Variants in SHANK2 observed in about 807,000 individuals in gnomAD.
The protein encoded by SHANK2 is SH3 and multiple ankyrin repeat domains protein 2.
Under a neutral mutation model 133.7 loss-of-function variants are expected in SHANK2, and 43 were observed. The observed-to-expected ratio is 0.32, with a 90% CI of 0.25 to 0.41. The LOEUF (loss-of-function observed/expected upper bound fraction) is 0.41, where lower values mean the gene tolerates loss of function less well. SHANK2 is among the 10% of genes least tolerant of loss of function. The probability of loss-of-function intolerance (pLI) is 1.00; values close to 1 mark genes in which losing one functional copy is unlikely to be tolerated. For missense variants in SHANK2, 1,994 were observed against 2,235.8 expected (o/e 0.89, Z 2.18); for synonymous variants, 1,017 against 952.8 (o/e 1.07, Z -1.24).
intron 10 of SHANK2, among the ~76,000 whole-genome samples, chr11:70,924,469 A>G (rs1345834056): frequency 6.6e-6 from 1 of 152,018 alleles, no homozygotes; most frequent in Non-Finnish European, 1.5e-5. Context: ...AAAAATTTTT[A>G]TTTTTAAGAC....
At chr11:70,904,942 G>C (rs1359153685) in intron 10 of SHANK2, among the ~76,000 whole-genome samples, 2 of 152,180 alleles carry the variant, frequency 1.3e-5, no homozygotes, top group African/African-American at 4.8e-5. Flanking sequence ...AGAACTGTAA[G>C]TCCATTAAAC....
In SHANK2 at chr11:70,659,742, C is replaced by T. The variant is rs539859382; in HGVS notation, c.2061+86G>A. On this transcript the variant is annotated intron_variant, in intron 17 of 25. Transcript: ENST00000601538. The stretch of plus-strand genomic sequence containing the variant: ...CCACAAGCACCCCCAGACTGGGCCT[C>T]GTGGCTGTGCTGCCAGGACTACGAC... The T allele has an allele frequency of 7.8e-5, 121 of 1,555,084 alleles. No individual in the cohort carries two copies. In the African/African-American group the frequency reaches 1.1e-3, roughly 15 times the overall value.
chr11:71,069,995 C>A (rs1190112042), intron 9 of SHANK2, among the ~76,000 whole-genome samples: 10 of 151,160 alleles, frequency 6.6e-5, no homozygotes, highest in Admixed American at 6.6e-4. Context: ...CATGTGTAGA[C>A]AAGGGGGAGT....
intron 17 of SHANK2, among the ~76,000 whole-genome samples, chr11:70,641,653 AGGAGCTG>A (rs2061184704): frequency 6.6e-6 from 1 of 152,226 alleles, no homozygotes. Context: ...TTCAGGATGG[AGGAGCTG>A]GGAGCTGGGA....
intron 14 of SHANK2, among the ~76,000 whole-genome samples, chr11:70,786,187 C>T (rs929078964): frequency 6.6e-6 from 1 of 152,196 alleles, no homozygotes; most frequent in Admixed American, 6.5e-5. Flanking sequence ...ATGACCTTTG[C>T]ACCTGTCCTT....
intron 10 of SHANK2, among the ~76,000 whole-genome samples, chr11:70,930,836 GT>G (rs375465175): frequency 5.1e-4 from 72 of 140,396 alleles, no homozygotes; most frequent in Admixed American, 5.7e-4. Flanking sequence ...ACACCCAGCG[GT>G]TTTTTTTTTT....
intron 17 of SHANK2, among the ~76,000 whole-genome samples, chr11:70,530,190 G>A (rs542300013): frequency 6.6e-6 from 1 of 152,310 alleles, no homozygotes; most frequent in South Asian, 2.1e-4. Context: ...TAAACAAAAT[G>A]TGGTCTATCC....
intron 10 of SHANK2, among the ~76,000 whole-genome samples, chr11:70,940,544 C>T (rs1297738712): frequency 1.3e-5 from 2 of 152,014 alleles, no homozygotes; most frequent in East Asian, 3.9e-4. Context: ...CCCACCCAGG[C>T]AGTGGTCACT....
chr11:70,881,332 C>T (rs1295578947), intron 11 of SHANK2, among the ~76,000 whole-genome samples: 9 of 152,096 alleles, frequency 5.9e-5, no homozygotes, highest in Non-Finnish European at 1.2e-4. Context: ...CAGGTGCGAG[C>T]CACCTTGCCT....
At chr11:71,171,463 T>C (rs1248753863) in intron 2 of SHANK2, among the ~76,000 whole-genome samples, 2 of 152,144 alleles carry the variant, frequency 1.3e-5, no homozygotes, top group African/African-American at 4.8e-5. Context: ...TCAGCCAAAG[T>C]TGAAAATTGG....
chr11:70,883,155 G>A (rs1949683342), intron 11 of SHANK2, among the ~76,000 whole-genome samples: 1 of 152,142 alleles, frequency 6.6e-6, no homozygotes. Context: ...CCGAAAACGG[G>A]GCAGTGAAGG....
At chr11:70,818,188 A>T (rs527751659) in intron 12 of SHANK2, among the ~76,000 whole-genome samples, 1 of 152,170 alleles carries the variant, frequency 6.6e-6, no homozygotes, top group Non-Finnish European at 1.5e-5. Context: ...ACACACACAC[A>T]CATACACAAT....
chr11:71,139,031 G>A (rs1256591800), intron 3 of SHANK2, among the ~76,000 whole-genome samples: 55 of 152,112 alleles, frequency 3.6e-4, no homozygotes, highest in African/African-American at 1.3e-3. Flanking sequence ...TGGTCTTTGA[G>A]GGGGTCAGGT....
intron 2 of SHANK2, among the ~76,000 whole-genome samples, chr11:71,211,033 C>T (rs1362652078): frequency 1.3e-5 from 2 of 152,106 alleles, no homozygotes; most frequent in African/African-American, 4.8e-5. Flanking sequence ...GGTCCTGTTT[C>T]AGGGGGGTCC....
At chr11:70,661,864 C>A in intron 15 of SHANK2, 186 bp from the exon 16 acceptor site, 1 of 1,536,684 alleles carries the variant, frequency 6.5e-7, no homozygotes, top group Non-Finnish European at 8.9e-7. Context: ...GGGTGGCTAC[C>A]GGGATAGGCG....
intron 8 of SHANK2, among the ~76,000 whole-genome samples, chr11:71,081,094 C>A (rs898665780): frequency 6.6e-6 from 1 of 152,192 alleles, no homozygotes; most frequent in Non-Finnish European, 1.5e-5. Context: ...CCCCTAATCC[C>A]ATCTGGCCTG....
chr11:70,581,140 A>C (rs1459121025), intron 17 of SHANK2, among the ~76,000 whole-genome samples: 1 of 152,190 alleles, frequency 6.6e-6, no homozygotes, highest in African/African-American at 2.4e-5. Flanking sequence ...AATCACCATG[A>C]GGATCTCCAT....
At position 70,662,012 on chromosome 11, in the gene SHANK2, C is replaced by A; in HGVS notation, c.1854-334G>T. On this transcript the variant is annotated intron_variant, in intron 15 of 25. Coordinates refer to ENST00000601538, the MANE Select transcript of SHANK2 (RefSeq NM_012309.5). ...AAGGGGGGCTGGCCAGGACGCCGCC[C>A]AGGGCAAAGAAAGTAAGTGGCCCGA... The A allele has an allele frequency of 1.4e-5, 8 of 571,720 alleles. No homozygotes were observed. The South Asian group carries it at 1.6e-4, about 11-fold the overall frequency. 35.4% of individuals were successfully genotyped at this position (571,720 alleles called of 1,614,324 possible).
chr11:71,129,137 T>C (rs1555103250), intron 3 of SHANK2, among the ~76,000 whole-genome samples: 1 of 152,208 alleles, frequency 6.6e-6, no homozygotes, highest in African/African-American at 2.4e-5. Context: ...GTGGATGGCA[T>C]TGAACAGCAT....
Sources: gnomAD v4.1 joint callset for allele counts (sites outside exome capture counted in the v4.1 genomes callset) on GRCh38, gnomAD v4.1.1 for gene constraint, MANE v1.5 for transcripts, NCBI Gene and HGNC (gene_info 2026-07-23, HGNC 2026-07-21) for gene names.